IL1RAPL2: variants seen among roughly 807,000 people sequenced by gnomAD.
IL1RAPL2 encodes the protein interleukin 1 receptor accessory protein like 2.
In IL1RAPL2, 3 loss-of-function variants were observed where a neutral mutation model predicts 44.1. That is an observed-to-expected ratio of 0.07 (90% confidence interval 0.03 to 0.18). The LOEUF (loss-of-function observed/expected upper bound fraction) is 0.18. Among genes scored for constraint, IL1RAPL2 ranks in the 10% least tolerant of loss-of-function variants. The pLI is 1.00. For missense variants in IL1RAPL2, 391 were observed against 496.4 expected (o/e 0.79, Z 2.02); for synonymous variants, 181 against 178.8 (o/e 1.01, Z -0.10).
intron 2 of IL1RAPL2, among the ~76,000 whole-genome samples, chrX:104,705,253 A>T (rs994511876): frequency 3.6e-5 from 4 of 111,674 alleles, no homozygotes; most frequent in African/African-American, 1.3e-4. Context: ...GCCCAAGCTC[A>T]TACAGCTAGT....
At chrX:105,383,110 A>G (rs1283447603) in intron 5 of IL1RAPL2, among the ~76,000 whole-genome samples, 5 of 110,284 alleles carry the variant, frequency 4.5e-5, no homozygotes, top group African/African-American at 1.6e-4. Flanking sequence ...CCTTAAACTT[A>G]AAGTATAATA....
chrX:104,698,319 C>T lies in IL1RAPL2; in HGVS notation c.82+39324C>T, dbSNP rs141164241. Among the ~76,000 whole-genome samples the T allele has an allele frequency of 4.0e-3, 445 of 112,099 alleles. 7 individuals carry two copies. Among genetic ancestry groups the T allele is most frequent in the African/African-American group, 0.013 (412 of 30,870 alleles). On this transcript the variant is annotated intron_variant, in intron 2 of 10. Transcript: ENST00000372582. ...TCCAACTGTACTCAAAGGCAACAGC[C>T]CAACACCCAAAGAAAAGAGAAAAGG...
intron 2 of IL1RAPL2, among the ~76,000 whole-genome samples, chrX:105,115,188 G>A (rs975469101): frequency 9.0e-5 from 10 of 111,300 alleles, no homozygotes; most frequent in African/African-American, 2.9e-4. Flanking sequence ...TCGTGGTCTC[G>A]CTGGCTCAGG....
At chrX:104,567,718 T>C (rs1021948271) in intron 1 of IL1RAPL2, among the ~76,000 whole-genome samples, 1 of 111,976 alleles carries the variant, frequency 8.9e-6, no homozygotes, top group Non-Finnish European at 1.9e-5. Flanking sequence ...CCGCGCCAAA[T>C]TGCGCTTCAG....
intron 5 of IL1RAPL2, among the ~76,000 whole-genome samples, chrX:105,382,862 C>T (rs780151514): frequency 6.2e-4 from 66 of 105,715 alleles, no homozygotes; most frequent in African/African-American, 2.3e-3. Context: ...AGCAAACTAT[C>T]GTAAGAACAA....
intron 1 of IL1RAPL2, among the ~76,000 whole-genome samples, chrX:104,619,343 C>T (rs983468895): frequency 1.8e-5 from 2 of 112,234 alleles, no homozygotes; most frequent in Non-Finnish European, 3.8e-5. Flanking sequence ...CTAAGCCTCT[C>T]CTCAACTTAC....
At chrX:104,897,163 A>T (rs183050324) in intron 2 of IL1RAPL2, among the ~76,000 whole-genome samples, 3 of 112,236 alleles carry the variant, frequency 2.7e-5, no homozygotes, top group East Asian at 2.8e-4. Flanking sequence ...CTGGTCACTT[A>T]TCAGGATCAC....
At chrX:104,676,701 A>G (rs921770803) in intron 2 of IL1RAPL2, among the ~76,000 whole-genome samples, 2 of 111,965 alleles carry the variant, frequency 1.8e-5, no homozygotes, top group Non-Finnish European at 3.8e-5. Flanking sequence ...GTGTTTTCCA[A>G]CTTGGTTCCA....
intron 6 of IL1RAPL2, among the ~76,000 whole-genome samples, chrX:105,553,983 A>C (rs1225788583): frequency 8.8e-6 from 1 of 113,115 alleles, no homozygotes. Flanking sequence ...CCCCTAGCCT[A>C]AGATACCACA....
chrX:105,241,698 A>G (rs2034172187), intron 4 of IL1RAPL2, among the ~76,000 whole-genome samples: 1 of 111,937 alleles, frequency 8.9e-6, no homozygotes, highest in African/African-American at 3.2e-5. Context: ...TTCAATTTAC[A>G]AAAAAACTGA....
chrX:104,678,339 G>A (rs1930825556), intron 2 of IL1RAPL2, among the ~76,000 whole-genome samples: 1 of 112,044 alleles, frequency 8.9e-6, no homozygotes, highest in Admixed American at 9.4e-5. Flanking sequence ...CCTATGTAGA[G>A]TAAATATTTG....
At chrX:105,366,596 C>T (rs929156372) in intron 5 of IL1RAPL2, among the ~76,000 whole-genome samples, 1 of 110,723 alleles carries the variant, frequency 9.0e-6, no homozygotes, top group African/African-American at 3.3e-5. Context: ...CTTCTTCAAC[C>T]CATTGGTTGT....
chrX:105,751,324 T>C (rs999885074), intron 9 of IL1RAPL2, among the ~76,000 whole-genome samples: 1 of 110,925 alleles, frequency 9.0e-6, no homozygotes, highest in Non-Finnish European at 1.9e-5. Flanking sequence ...GAGGCTTCTG[T>C]GATTAATATG....
intron 6 of IL1RAPL2, among the ~76,000 whole-genome samples, chrX:105,604,209 C>A (rs2037275533): frequency 9.0e-6 from 1 of 110,642 alleles, no homozygotes; most frequent in African/African-American, 3.3e-5. Context: ...AAAATATTAA[C>A]AACCTGAAAA....
At chrX:104,571,470 T>C (rs1156458915) in intron 1 of IL1RAPL2, among the ~76,000 whole-genome samples, 5 of 111,424 alleles carry the variant, frequency 4.5e-5, no homozygotes, top group Non-Finnish European at 9.4e-5. Context: ...CAGGTGGAGA[T>C]AATTGAATCA....
At chrX:104,944,043 C>T (rs142124346) in intron 2 of IL1RAPL2, among the ~76,000 whole-genome samples, 1,167 of 111,425 alleles carry the variant, frequency 0.01, 7 homozygotes, top group African/African-American at 0.031. Context: ...AACAAACAAA[C>T]GAAACACATC....
In IL1RAPL2 at chrX:104,680,175, CTT is replaced by C. The variant is rs1464441310; in HGVS notation, c.82+21182_82+21183del. On this transcript the variant is annotated intron_variant, in intron 2 of 10. Coordinates refer to ENST00000372582, the MANE Select transcript of IL1RAPL2 (RefSeq NM_017416.2). ...AACAAAGTGCCTAGTAAAGCAGACT[CTT>C]TACTTTGGAATGCCTTTAATTGTTA... is the stretch of plus-strand genomic sequence containing the variant. Among the ~76,000 whole-genome samples, 8 of 111,707 alleles carry C rather than the reference CTT, an allele frequency of 7.2e-5. 1 individual carries two copies. Among genetic ancestry groups the C allele is most frequent in the African/African-American group, 2.6e-4 (8 of 30,715 alleles).
intron 1 of IL1RAPL2, chrX:104,647,188 C>G: frequency 3.1e-6 from 1 of 319,317 alleles, no homozygotes; most frequent in South Asian, 3.3e-5. Flanking sequence ...GAGGTGCAGG[C>G]AGGGTGGGCC....
intron 2 of IL1RAPL2, among the ~76,000 whole-genome samples, chrX:105,125,948 T>G (rs975722556): frequency 9.0e-6 from 1 of 111,312 alleles, no homozygotes; most frequent in African/African-American, 3.3e-5. Context: ...ATGTTAAAAA[T>G]AGTCCTAGAA....
Sources: gnomAD v4.1 joint callset for allele counts (sites outside exome capture counted in the v4.1 genomes callset) on GRCh38, gnomAD v4.1.1 for gene constraint, MANE v1.5 for transcripts, NCBI Gene and HGNC (gene_info 2026-07-23, HGNC 2026-07-21) for gene names.